PTK2B: variants seen among roughly 807,000 people sequenced by gnomAD.
PTK2B encodes protein tyrosine kinase 2 beta, also known as protein-tyrosine kinase 2-beta.
PTK2B carries 71 observed loss-of-function variants against 142.9 expected under a neutral mutation model. That is an observed-to-expected ratio of 0.50 (90% CI 0.41 to 0.61). PTK2B has a LOEUF of 0.61. PTK2B is among the 20% of genes least tolerant of loss of function. The probability of loss-of-function intolerance (pLI) is 0.00; values close to 1 mark genes in which losing one functional copy is unlikely to be tolerated. For synonymous variants in PTK2B, 519 were observed against 503.4 expected, an observed-to-expected ratio of 1.03 and a Z score of -0.42; for missense variants, 1,105 against 1,320.4, an observed-to-expected ratio of 0.84 and a Z score of 2.53.
Position 27,429,266 on chromosome 8 carries a change from T to G in PTK2B, c.552-827T>G, listed in dbSNP as rs143720680. 7.9e-5 allele frequency among the ~76,000 whole-genome samples: 12 copies of G among 152,358 alleles called. No individual in the cohort carries two copies. The East Asian group carries it at 2.3e-3, about 29-fold the overall frequency. ...AAAGTCATTGCTTTTGAATCATAAG[T>G]TACTTCCCTCACTCTGCTTATATTA... On this transcript the variant is annotated intron_variant, in intron 5 of 30. Transcript: ENST00000346049.
chr8:27,318,971 GAAC>G (rs147331880), intron 3 of PTK2B, among the ~76,000 whole-genome samples: 15,876 of 151,978 alleles, frequency 0.1, 971 homozygotes, highest in African/African-American at 0.17. Flanking sequence ...TTCTTTAATG[GAAC>G]AATTAAAAAT....
intron 21 of PTK2B, 119 bp downstream of exon 21, chr8:27,440,560 C>G: frequency 8.1e-7 from 1 of 1,228,236 alleles, no homozygotes; most frequent in Non-Finnish European, 1.1e-6. Flanking sequence ...GGGTCAAGGA[C>G]AGGAGGCTGA....
chr8:27,419,559 T>C (rs187579617), intron 2 of PTK2B, among the ~76,000 whole-genome samples: 309 of 152,324 alleles, frequency 2.0e-3, no homozygotes, highest in Non-Finnish European at 3.6e-3. Flanking sequence ...ACTCAGAAGG[T>C]CTGCTGTTCA....
intron 1 of PTK2B, among the ~76,000 whole-genome samples, chr8:27,348,700 T>G (rs546401368): frequency 1.5e-4 from 23 of 152,240 alleles, no homozygotes; most frequent in Middle Eastern, 3.4e-3. Context: ...GGCTTCTACT[T>G]GGCATTGGGC....
intron 1 of PTK2B, among the ~76,000 whole-genome samples, chr8:27,351,955 T>A (rs1474395613): frequency 6.6e-6 from 1 of 152,214 alleles, no homozygotes; most frequent in African/African-American, 2.4e-5. Flanking sequence ...CCGCAGAAGC[T>A]CCTGTCTACA....
chr8:27,375,291 G>C (rs1806598750), intron 1 of PTK2B, among the ~76,000 whole-genome samples: 1 of 152,200 alleles, frequency 6.6e-6, no homozygotes, highest in South Asian at 2.1e-4. Context: ...TTGACATGTA[G>C]GGAACTCAGA....
chr8:27,429,633 G>C (rs1810285485), intron 5 of PTK2B, among the ~76,000 whole-genome samples: 1 of 152,212 alleles, frequency 6.6e-6, no homozygotes. Context: ...TATATGTACA[G>C]TGGTACCTTT....
intron 2 of PTK2B, among the ~76,000 whole-genome samples, chr8:27,411,300 A>T (rs1263511293): frequency 6.6e-6 from 1 of 152,184 alleles, no homozygotes; most frequent in Non-Finnish European, 1.5e-5. Flanking sequence ...TGAGGAAGGC[A>T]GGGCTCGTGC....
In PTK2B at chr8:27,363,958, G is replaced by A. The variant is rs1208472031; in HGVS notation, c.-37-33590G>A. 2.0e-5 allele frequency among the ~76,000 whole-genome samples: 3 copies of A among 152,146 alleles called. No homozygotes were observed. Among genetic ancestry groups the A allele is most frequent in the Admixed American group, 1.3e-4 (2 of 15,280 alleles). ...CCCGGCCGCCTGTCTTGACACATGCGCACAAGCAGCTCCCCCAAGTTAAGA... is the reference window on the plus strand; with the variant it reads ...CCCGGCCGCCTGTCTTGACACATGCACACAAGCAGCTCCCCCAAGTTAAGA... On this transcript the variant is annotated intron_variant, in intron 1 of 30. Transcript: ENST00000346049. The surrounding 1 kb of genome is among the most constrained non-coding windows in gnomAD (Gnocchi z 4.3).
chr8:27,381,349 C>G (rs1237331364), intron 1 of PTK2B, among the ~76,000 whole-genome samples: 1 of 152,188 alleles, frequency 6.6e-6, no homozygotes, highest in Admixed American at 6.5e-5. Flanking sequence ...TCCACCCTGC[C>G]CTTCCCAGCC....
rs118159535 is a variant in PTK2B, at chr8:27,408,152, C to T, written c.204+10364C>T. 4.7e-3 allele frequency among the ~76,000 whole-genome samples: 715 copies of T among 152,252 alleles called. 2 individuals carry two copies. The highest frequency in any genetic ancestry group is 8.1e-3 in the Non-Finnish European group (550 of 68,014). On this transcript the variant is annotated intron_variant, in intron 2 of 30. Coordinates refer to ENST00000346049, the MANE Select transcript of PTK2B (RefSeq NM_173176.3). ...TCAGCCCCACTCTCCCCCGAGGTGC[C>T]ATAGAAACTAGGATTGTCTTCCCCA...
intron 5 of PTK2B, among the ~76,000 whole-genome samples, chr8:27,429,201 G>C (rs928586423): frequency 6.6e-6 from 1 of 152,104 alleles, no homozygotes; most frequent in South Asian, 2.1e-4. Flanking sequence ...CAACACATTC[G>C]GCCTAACCTT....
chr8:27,409,258 TGTATAA>T (rs1021062255), intron 2 of PTK2B, among the ~76,000 whole-genome samples: 35 of 152,110 alleles, frequency 2.3e-4, no homozygotes, highest in African/African-American at 7.5e-4. Flanking sequence ...ACTAGATAGA[TGTATAA>T]AGTTTTTTGG....
chr8:27,311,208 C>T (rs776309326), upstream of PTK2B: 5 of 1,586,494 alleles, frequency 3.2e-6, no homozygotes, highest in Non-Finnish European at 4.3e-6. Context: ...CGGGAAGGCC[C>T]GGGGGACACG....
At chr8:27,371,313 G>C (rs1806343180) in intron 1 of PTK2B, among the ~76,000 whole-genome samples, 1 of 152,184 alleles carries the variant, frequency 6.6e-6, no homozygotes, top group Non-Finnish European at 1.5e-5. Context: ...CCGGCTGAGA[G>C]AGTTGTGTTG....
In PTK2B at chr8:27,454,265, C is replaced by G; in HGVS notation, c.2707C>G (p.Pro903Ala). ...CAAGAATGAGCTCTGTCAGCTGCCC[C>G]CCGAGGGCTACGTGGTGGTGGTGAA... ...ELKNELCQLP[P>A]EGYVVVVKNV... The change falls in exon 29 of 31, where the codon CCC (proline) becomes GCC (alanine). Residue 903 changes from proline to alanine, a missense_variant. Physicochemically the swap from Pro to Ala is conservative, Grantham distance 27 (BLOSUM62 -1). Transcript: ENST00000346049. 6.2e-7 allele frequency: 1 copy of G among 1,613,966 alleles called. No homozygotes were observed. Among genetic ancestry groups the G allele is most frequent in the Non-Finnish European group, 8.5e-7 (1 of 1,179,998 alleles).
At chr8:27,406,770 G>A (rs1479679492) in intron 2 of PTK2B, among the ~76,000 whole-genome samples, 3 of 152,176 alleles carry the variant, frequency 2.0e-5, no homozygotes, top group South Asian at 4.1e-4. Context: ...ATTCACTGAT[G>A]TGAATTAGGA....
intron 12 of PTK2B, among the ~76,000 whole-genome samples, 160 bp from the exon 13 acceptor site, chr8:27,434,353 A>T (rs1039356718): frequency 1.3e-5 from 2 of 151,732 alleles, no homozygotes; most frequent in African/African-American, 4.8e-5. Flanking sequence ...CTGTCCCCCA[A>T]CTCCAGCCCC....
At chr8:27,391,525 A>G (rs370050197) in intron 1 of PTK2B, among the ~76,000 whole-genome samples, 2 of 152,274 alleles carry the variant, frequency 1.3e-5, no homozygotes, top group African/African-American at 4.8e-5. Flanking sequence ...TTACCCTACA[A>G]TGTCTTCAAA....
Sources: gnomAD v4.1 joint callset for allele counts (sites outside exome capture counted in the v4.1 genomes callset) on GRCh38, gnomAD v4.1.1 for gene constraint, Gnocchi (gnomAD v3.1) non-coding constraint, MANE v1.5 for transcripts, NCBI Gene and HGNC (gene_info 2026-07-23, HGNC 2026-07-21) for gene names.